The following CDH12 variants were observed in gnomAD, a reference collection of about 807,000 sequenced individuals.
CDH12 encodes cadherin-12.
CDH12 carries 41 observed loss-of-function variants against 74.1 expected under a neutral mutation model. The ratio of observed to expected loss-of-function variants is 0.55; its 90% CI spans 0.43 to 0.72. The LOEUF (loss-of-function observed/expected upper bound fraction) is 0.72, where lower values mean the gene tolerates loss of function less well. CDH12 is among the 30% of genes least tolerant of loss of function. CDH12 has a pLI of 0.00. For missense variants in CDH12, 945 were observed against 977.2 expected (o/e 0.97, Z 0.44); for synonymous variants, 399 against 355.0 (o/e 1.12, Z -1.39).
At chr5:22,115,797 T>A (rs1251008624) in intron 4 of CDH12, among the ~76,000 whole-genome samples, 1 of 150,704 alleles carries the variant, frequency 6.6e-6, no homozygotes, top group African/African-American at 2.4e-5. Context: ...GTTCAAGCGA[T>A]TCTTCTGCCT....
At chr5:22,828,533 T>A (rs17359806) in intron 1 of CDH12, among the ~76,000 whole-genome samples, 8,145 of 152,198 alleles carry the variant, frequency 0.054, 334 homozygotes, top group South Asian at 0.18. Context: ...CTGAAATAAA[T>A]TGAAAAGCAG....
At chr5:22,035,585 T>G (rs1739119724) in intron 5 of CDH12, among the ~76,000 whole-genome samples, 1 of 152,058 alleles carries the variant, frequency 6.6e-6, no homozygotes, top group South Asian at 2.1e-4. Context: ...CAAGAGAAAT[T>G]TTTTTAAAAT....
At chr5:21,867,111 T>C (rs756360071) in intron 6 of CDH12, among the ~76,000 whole-genome samples, 4 of 152,138 alleles carry the variant, frequency 2.6e-5, no homozygotes, top group Non-Finnish European at 4.4e-5. Context: ...TCCCAGCACT[T>C]TGGGATGCCA....
intron 3 of CDH12, among the ~76,000 whole-genome samples, chr5:22,391,989 T>G (rs887816092): frequency 6.6e-5 from 10 of 152,072 alleles, no homozygotes; most frequent in African/African-American, 2.2e-4. Context: ...ACCAAAGAGG[T>G]AAGGGATGGA....
At chr5:22,376,799 A>G (rs1741546050) in intron 3 of CDH12, among the ~76,000 whole-genome samples, 1 of 151,662 alleles carries the variant, frequency 6.6e-6, no homozygotes, top group African/African-American at 2.4e-5. Context: ...CTGGGATTAC[A>G]GACGTGAGCC....
intron 11 of CDH12, among the ~76,000 whole-genome samples, chr5:21,777,526 ATTT>A (rs67741612): frequency 7.0e-6 from 1 of 142,442 alleles, no homozygotes; most frequent in Non-Finnish European, 1.6e-5. Flanking sequence ...TACCACTAAC[ATTT>A]TTTTTTTTTT....
intron 2 of CDH12, among the ~76,000 whole-genome samples, chr5:22,453,158 T>A (rs898102870): frequency 6.6e-5 from 10 of 152,054 alleles, no homozygotes; most frequent in Non-Finnish European, 1.3e-4. Context: ...GTACAGCCAC[T>A]ATCAAAACCA....
intron 6 of CDH12, among the ~76,000 whole-genome samples, chr5:21,862,133 G>C (rs1427645369): frequency 6.6e-6 from 1 of 151,886 alleles, no homozygotes; most frequent in South Asian, 2.1e-4. Context: ...AGTTGTGTTT[G>C]GTAAACTTAT....
chr5:22,129,855 C>CAATA (rs1440393474), intron 4 of CDH12, among the ~76,000 whole-genome samples: 1 of 151,788 alleles, frequency 6.6e-6, no homozygotes, highest in Non-Finnish European at 1.5e-5. Context: ...GACTAATTAT[C>CAATA]AATATAAACT....
At chr5:21,763,642 T>A (rs1405837896) in intron 12 of CDH12, among the ~76,000 whole-genome samples, 2 of 152,180 alleles carry the variant, frequency 1.3e-5, no homozygotes, top group African/African-American at 4.8e-5. Context: ...TCCACAATAT[T>A]AGATTAAACA....
At chr5:22,136,166 G>T (rs1218909823) in intron 4 of CDH12, among the ~76,000 whole-genome samples, 2 of 151,956 alleles carry the variant, frequency 1.3e-5, no homozygotes, top group Non-Finnish European at 1.5e-5. Context: ...CAGGAAAAAA[G>T]AAATTAAGAT....
chr5:21,806,847 AT>A (rs1339902529), intron 9 of CDH12, among the ~76,000 whole-genome samples: 1 of 152,168 alleles, frequency 6.6e-6, no homozygotes, highest in African/African-American at 2.4e-5. Flanking sequence ...TAACTATGGA[AT>A]TTAGTTTATA....
chr5:22,824,615 CA>C (rs1036506537), intron 1 of CDH12, among the ~76,000 whole-genome samples: 4 of 151,778 alleles, frequency 2.6e-5, no homozygotes, highest in African/African-American at 9.7e-5. Context: ...ATTAAATAGT[CA>C]GGGATTTTTA....
intron 3 of CDH12, among the ~76,000 whole-genome samples, chr5:22,384,404 T>C (rs1023751026): frequency 4.0e-5 from 6 of 149,952 alleles, no homozygotes; most frequent in Admixed American, 2.7e-4. Context: ...TGGGCGCCTG[T>C]AGTCCCAGCT....
chr5:21,854,891 C>T (rs1406829215), intron 6 of CDH12, 101 bp from the exon 7 acceptor site: 11 of 1,000,444 alleles, frequency 1.1e-5, no homozygotes, highest in East Asian at 2.5e-5. Flanking sequence ...ATTTGACCTA[C>T]GTCAAGTACA....
intron 3 of CDH12, among the ~76,000 whole-genome samples, chr5:22,389,304 CT>C (rs1742131558): frequency 6.6e-6 from 1 of 152,086 alleles, no homozygotes; most frequent in Non-Finnish European, 1.5e-5. Flanking sequence ...TTTCATTTTA[CT>C]TTTCAAGTAA....
At chr5:22,172,469 T>A (rs1749086211) in intron 4 of CDH12, 1 of 151,900 alleles carries the variant, frequency 6.6e-6, no homozygotes, top group African/African-American at 2.4e-5. Flanking sequence ...AAGAAATCAG[T>A]TCCCTTGTAT....
intron 4 of CDH12, among the ~76,000 whole-genome samples, chr5:22,124,165 C>A (rs1460023685): frequency 6.6e-6 from 1 of 151,380 alleles, no homozygotes; most frequent in Non-Finnish European, 1.5e-5. Flanking sequence ...TATTTTATTT[C>A]ATTTTTTTTG....
intron 3 of CDH12, among the ~76,000 whole-genome samples, chr5:22,368,632 A>G (rs893037871): frequency 6.6e-6 from 1 of 152,150 alleles, no homozygotes; most frequent in Admixed American, 6.6e-5. Context: ...TCACAATTCT[A>G]AAACAATTTG....
Sources: allele counts gnomAD v4.1 joint callset (sites outside exome capture counted in the v4.1 genomes callset), GRCh38; gene constraint gnomAD v4.1.1; transcripts MANE v1.5; gene names NCBI Gene and HGNC (gene_info 2026-07-23, HGNC 2026-07-21).